The following KCNK10 variants were observed in gnomAD, a reference collection of about 807,000 sequenced individuals.
The protein encoded by KCNK10 is potassium two pore domain channel subfamily K member 10.
Under a neutral mutation model 47.7 loss-of-function variants are expected in KCNK10, and 25 were observed. That is an observed-to-expected ratio of 0.52 (90% CI 0.38 to 0.73). The LOEUF (loss-of-function observed/expected upper bound fraction) is 0.73, where lower values mean the gene tolerates loss of function less well. Ranked by LOEUF, KCNK10 falls within the 30% of genes least tolerant of loss-of-function variation. KCNK10 has a pLI of 0.00. For missense variants in KCNK10, 563 were observed against 714.5 expected, an observed-to-expected ratio of 0.79 and a Z score of 2.42; for synonymous variants, 303 against 285.6, an observed-to-expected ratio of 1.06 and a Z score of -0.61.
rs184549273 is a variant in KCNK10, at chr14:88,279,383, G to C, written c.53-15832C>G. Among the ~76,000 whole-genome samples, 173 of 150,610 alleles carry C rather than the reference G, an allele frequency of 1.1e-3. 1 individual carries two copies. The highest frequency in any genetic ancestry group is 6.8e-3 in the Middle Eastern group (2 of 294). Reference sequence around the variant, plus strand: ...CAGATACGTGTGTGTGTGTGTGTGTGTGTGTGTGTGTGTGTGTGTGTGTGT... The same window carrying C: ...CAGATACGTGTGTGTGTGTGTGTGTCTGTGTGTGTGTGTGTGTGTGTGTGT... On this transcript the variant is annotated intron_variant, in intron 1 of 6. Coordinates refer to ENST00000319231, the MANE Select transcript of KCNK10 (RefSeq NM_138317.3).
chr14:88,219,704 T>C (rs1474411758), intron 4 of KCNK10, among the ~76,000 whole-genome samples: 1 of 152,222 alleles, frequency 6.6e-6, no homozygotes, highest in Non-Finnish European at 1.5e-5. Context: ...CCCCAAGAGA[T>C]GAAACATGAT....
At chr14:88,305,603 C>T (rs1433790763) in intron 1 of KCNK10, among the ~76,000 whole-genome samples, 2 of 152,148 alleles carry the variant, frequency 1.3e-5, no homozygotes, top group Admixed American at 1.3e-4. Flanking sequence ...ACCATCAAAG[C>T]TAACTGATTG....
chr14:88,281,436 C>T (rs558456821), intron 1 of KCNK10, among the ~76,000 whole-genome samples: 3 of 152,294 alleles, frequency 2.0e-5, no homozygotes, highest in South Asian at 4.1e-4. Flanking sequence ...ATTTCTCCCA[C>T]GACATAGGTG....
chr14:88,186,961 A>G lies in KCNK10; in HGVS notation c.1012-806T>C, dbSNP rs1027647334. 9.8e-5 allele frequency among the ~76,000 whole-genome samples: 15 copies of G among 152,364 alleles called. No homozygotes were observed. Among genetic ancestry groups the G allele is most frequent in the Admixed American group, 2.6e-4 (4 of 15,304 alleles). On this transcript the variant is annotated intron_variant, in intron 6 of 6. Transcript: ENST00000319231. This position sits in a 1 kb window ranked among gnomAD's most constrained non-coding sequence, Gnocchi z 5.5. ...GCTCTTAATGAACAGGGCAGACAGT[A>G]TAAGTCCCATGCTTCCCTCTGCAAA... is the stretch of plus-strand genomic sequence containing the variant.
At chr14:88,229,311 T>C (rs1255648380) in intron 3 of KCNK10, among the ~76,000 whole-genome samples, 1 of 152,048 alleles carries the variant, frequency 6.6e-6, no homozygotes, top group Non-Finnish European at 1.5e-5. Flanking sequence ...CCACGGAGCA[T>C]CAGGGAGAAG....
chr14:88,215,265 C>G (rs1885581399), intron 4 of KCNK10, among the ~76,000 whole-genome samples: 1 of 152,154 alleles, frequency 6.6e-6, no homozygotes, highest in Non-Finnish European at 1.5e-5. Flanking sequence ...GTTTAATTGA[C>G]TCACAGTTCC....
At position 88,260,670 on chromosome 14, in the gene KCNK10, T is replaced by C. The variant is rs547030203; in HGVS notation, c.402+2532A>G. ...AAGGAAACTGATGTTTCCTCCCCTG[T>C]AAAATGGGAATCGTGATATGAACTT... On this transcript the variant is annotated intron_variant, in intron 2 of 6. Coordinates refer to ENST00000319231, the MANE Select transcript of KCNK10 (RefSeq NM_138317.3). This position sits in a 1 kb window ranked among gnomAD's most constrained non-coding sequence, Gnocchi z 4.5. 1.5e-4 allele frequency among the ~76,000 whole-genome samples: 23 copies of C among 152,318 alleles called. No homozygotes were observed. The highest frequency in any genetic ancestry group is 7.8e-4 in the Admixed American group (12 of 15,298).
chr14:88,294,798 G>T (rs987083174), intron 1 of KCNK10, among the ~76,000 whole-genome samples: 3 of 152,110 alleles, frequency 2.0e-5, no homozygotes, highest in Non-Finnish European at 4.4e-5. Flanking sequence ...AATTTAATAT[G>T]CTACTTCAAG....
intron 2 of KCNK10, among the ~76,000 whole-genome samples, chr14:88,262,818 T>A (rs956764841): frequency 6.6e-5 from 10 of 152,136 alleles, no homozygotes; most frequent in Non-Finnish European, 1.3e-4. Flanking sequence ...GGTTAATATA[T>A]CCCTGCTTAT....
chr14:88,210,008 CT>C (rs1436423875), intron 4 of KCNK10, among the ~76,000 whole-genome samples: 1 of 152,206 alleles, frequency 6.6e-6, no homozygotes, highest in Admixed American at 6.5e-5. Context: ...AATATACAAG[CT>C]AGACTTAACA....
intron 4 of KCNK10, among the ~76,000 whole-genome samples, chr14:88,226,631 T>A (rs1025220591): frequency 1.3e-5 from 2 of 152,008 alleles, no homozygotes; most frequent in African/African-American, 4.8e-5. Flanking sequence ...TGAGTGCGAG[T>A]TAAAGGGCAT....
chr14:88,251,439 G>A lies in KCNK10; in HGVS notation c.403-10619C>T, dbSNP rs774285412. On this transcript the variant is annotated intron_variant, in intron 2 of 6. Coordinates refer to ENST00000319231, the MANE Select transcript of KCNK10 (RefSeq NM_138317.3). ...TCCAAGAGAGTCTAGCAAATGGGGG[G>A]CAAATGGTGCCAAGCAGGACACGAC... 1.9e-4 allele frequency among the ~76,000 whole-genome samples: 29 copies of A among 151,964 alleles called. 1 individual carries two copies. Among genetic ancestry groups the A allele is most frequent in the Non-Finnish European group, 2.4e-4 (16 of 68,002 alleles).
At chr14:88,188,940 C>T (rs1470985804) in intron 5 of KCNK10, among the ~76,000 whole-genome samples, 2 of 152,178 alleles carry the variant, frequency 1.3e-5, no homozygotes, top group Non-Finnish European at 2.9e-5. Flanking sequence ...CAAGCCCAAC[C>T]CACCGTCCTA....
At position 88,290,558 on chromosome 14, in the gene KCNK10, G is replaced by A. The variant is rs766985690; in HGVS notation, c.53-27007C>T. 6.6e-5 allele frequency among the ~76,000 whole-genome samples: 10 copies of A among 152,142 alleles called. No individual in the cohort carries two copies. The South Asian group carries it at 1.5e-3, about 22-fold the overall frequency. ...ATGAATGCCCTCACTAAGCCTCACC[G>A]CAGACCAGGATGGAGGTTCTACTCT... is the stretch of plus-strand genomic sequence containing the variant. On this transcript the variant is annotated intron_variant, in intron 1 of 6. Coordinates refer to ENST00000319231, the MANE Select transcript of KCNK10 (RefSeq NM_138317.3).
chr14:88,263,140 A>G, intron 2 of KCNK10, 62 bp downstream of exon 2: 1 of 1,371,588 alleles, frequency 7.3e-7, no homozygotes. Flanking sequence ...ACCCAGAAAG[A>G]TAAAACCAAC....
intron 1 of KCNK10, among the ~76,000 whole-genome samples, chr14:88,281,432 C>T (rs372510977): frequency 2.3e-4 from 35 of 152,248 alleles, no homozygotes; most frequent in African/African-American, 8.2e-4. Context: ...GCAGATTTCT[C>T]CCACGACATA....
intron 1 of KCNK10, among the ~76,000 whole-genome samples, chr14:88,281,368 T>C (rs1887645563): frequency 1.3e-5 from 2 of 152,300 alleles, no homozygotes; most frequent in South Asian, 4.1e-4. Flanking sequence ...TCTGGGTACT[T>C]CTGTGAGGGT....
At chr14:88,239,853 C>T (rs1234653006) in intron 3 of KCNK10, among the ~76,000 whole-genome samples, 10 of 144,562 alleles carry the variant, frequency 6.9e-5, no homozygotes, top group African/African-American at 2.4e-4. Context: ...GAGTGAAACT[C>T]CATCTCAAAA....
intron 4 of KCNK10, among the ~76,000 whole-genome samples, chr14:88,201,074 G>T (rs189170322): frequency 8.9e-4 from 136 of 152,338 alleles, no homozygotes; most frequent in African/African-American, 3.2e-3. Context: ...CTGCAAGGAG[G>T]CTAGGGAGGT....
Sources: gnomAD v4.1 joint callset for allele counts (sites outside exome capture counted in the v4.1 genomes callset) on GRCh38, gnomAD v4.1.1 for gene constraint, Gnocchi (gnomAD v3.1) non-coding constraint, MANE v1.5 for transcripts, NCBI Gene and HGNC (gene_info 2026-07-23, HGNC 2026-07-21) for gene names.